The following SIPA1L2 variants were observed in gnomAD, a reference collection of about 807,000 sequenced individuals.
SIPA1L2 encodes the protein signal-induced proliferation-associated 1-like protein 2.
Under a neutral mutation model 163.9 loss-of-function variants are expected in SIPA1L2, and 56 were observed. That is an observed-to-expected ratio of 0.34 (90% CI 0.28 to 0.43). The LOEUF is 0.43. Ranked by LOEUF, SIPA1L2 falls within the 20% of genes least tolerant of loss-of-function variation. SIPA1L2 has a pLI of 1.00. For missense variants in SIPA1L2, 1,974 were observed against 2,193.5 expected (o/e 0.90, Z 2.00); for synonymous variants, 877 against 865.7 (o/e 1.01, Z -0.23).
intron 10 of SIPA1L2, among the ~76,000 whole-genome samples, chr1:232,453,520 C>A (rs573190166): frequency 6.6e-6 from 1 of 152,198 alleles, no homozygotes; most frequent in African/African-American, 2.4e-5. Flanking sequence ...TACTGCAATG[C>A]TATTCTTTAA....
chr1:232,526,682 G>A (rs1345073633), intron 2 of SIPA1L2, among the ~76,000 whole-genome samples: 1 of 152,182 alleles, frequency 6.6e-6, no homozygotes, highest in East Asian at 1.9e-4. Context: ...CCGTAGGCCT[G>A]TGACACATGC....
chr1:232,501,930 T>G (rs1232321042), intron 3 of SIPA1L2, among the ~76,000 whole-genome samples: 1 of 127,670 alleles, frequency 7.8e-6, no homozygotes, highest in Admixed American at 8.6e-5. Context: ...TTCGGCTGCT[T>G]CTCCCTGGAG....
rs1664456843 is a variant in SIPA1L2, at chr1:232,465,468, T to C, written c.2244-52A>G. ...TGAGATGAGCTATGATACCATAATA[T>C]GTATCTTTCCGAATTTGACATATAT... On this transcript the variant is annotated intron_variant, in intron 8 of 22. Transcript: ENST00000674635. This position sits in a 1 kb window ranked among gnomAD's most constrained non-coding sequence, Gnocchi z 4.1. 2 of 1,489,552 alleles carry C rather than the reference T, an allele frequency of 1.3e-6. No individual in the cohort carries two copies. The highest frequency in any genetic ancestry group is 1.8e-6 in the Non-Finnish European group (2 of 1,097,048). The allele number at this position is 1,489,552 out of a possible 1,614,324, so 92.3% of individuals were successfully genotyped here.
rs149920459 is a variant in SIPA1L2, at chr1:232,490,474, G to T, written c.1806+400C>A. Among the ~76,000 whole-genome samples the T allele has an allele frequency of 1.1e-3, 169 of 152,172 alleles. 1 individual carries two copies. Among genetic ancestry groups the T allele is most frequent in the African/African-American group, 3.6e-3 (150 of 41,510 alleles). On this transcript the variant is annotated intron_variant, in intron 5 of 22. Coordinates refer to ENST00000674635, the MANE Select transcript of SIPA1L2 (RefSeq NM_020808.5). ...CTTAGTCAGCTTCAATCTTCCTAAC[G>T]CTTGCTGTTCACACCCATCTGTCAG...
intron 1 of SIPA1L2, among the ~76,000 whole-genome samples, chr1:232,582,691 C>T (rs1301330469): frequency 5.3e-5 from 8 of 152,088 alleles, no homozygotes; most frequent in African/African-American, 1.7e-4. Context: ...ATTGCTGGGT[C>T]GAATGGTAGT....
chr1:232,509,912 G>A (rs1187489791), intron 3 of SIPA1L2, among the ~76,000 whole-genome samples: 1 of 152,140 alleles, frequency 6.6e-6, no homozygotes, highest in African/African-American at 2.4e-5. Context: ...CCTGGTGGCC[G>A]CTCCTTCCCC....
chr1:232,623,629 CA>C (rs1437370156), intron 1 of SIPA1L2, among the ~76,000 whole-genome samples: 2 of 151,632 alleles, frequency 1.3e-5, no homozygotes, highest in East Asian at 3.9e-4. Flanking sequence ...CAAAACAAAA[CA>C]AAAAAACAGC....
intron 1 of SIPA1L2, among the ~76,000 whole-genome samples, chr1:232,621,004 A>T (rs1662779950): frequency 6.6e-6 from 1 of 152,262 alleles, no homozygotes; most frequent in Non-Finnish European, 1.5e-5. Context: ...TGGCTTAAAC[A>T]AAGATTATGC....
At chr1:232,510,511 C>T (rs1490683441) in intron 3 of SIPA1L2, among the ~76,000 whole-genome samples, 1 of 152,096 alleles carries the variant, frequency 6.6e-6, no homozygotes, top group Non-Finnish European at 1.5e-5. Flanking sequence ...TCAGATTCTT[C>T]TTTGGAGCTT....
rs779308176 is a variant in SIPA1L2, at chr1:232,514,594, T to G, written c.746A>C (p.Gln249Pro). ...GCGGACAAATTCTCCCCTAGAAATC[T>G]GTGCTGCTGCATGAAGGCTCGGAGA... ...AISPSLHAAAQISRGEFVRIS... is the reference protein window; with the variant it reads ...AISPSLHAAAPISRGEFVRIS... The change falls in exon 3 of 23, where the codon CAG becomes CCG. Residue 249 changes from glutamine to proline, a missense_variant. Physicochemically the swap from Gln to Pro is moderately conservative, Grantham distance 76 (BLOSUM62 -1). Transcript: ENST00000674635. The G allele has an allele frequency of 8.1e-6, 13 of 1,614,104 alleles. No individual in the cohort carries two copies. The African/African-American group carries it at 1.5e-4, about 18-fold the overall frequency.
At chr1:232,451,908 G>A (rs1173592945) in intron 10 of SIPA1L2, among the ~76,000 whole-genome samples, 1 of 139,146 alleles carries the variant, frequency 7.2e-6, no homozygotes, top group African/African-American at 2.6e-5. Flanking sequence ...CACATTTCTT[G>A]TCTAGCCAAT....
intron 2 of SIPA1L2, among the ~76,000 whole-genome samples, chr1:232,540,736 A>AGG (rs1657607066): frequency 6.6e-6 from 1 of 152,168 alleles, no homozygotes; most frequent in Non-Finnish European, 1.5e-5. Context: ...AGAGAGAGAG[A>AGG]GAAAGGAAAG....
chr1:232,564,160 GTGTGTGT>G (rs1659238594), intron 2 of SIPA1L2, among the ~76,000 whole-genome samples: 1 of 35,562 alleles, frequency 2.8e-5, no homozygotes, highest in Non-Finnish European at 5.6e-5. Flanking sequence ...GTGTGTGTGT[GTGTGTGT>G]GTGTGTGTGT....
intron 2 of SIPA1L2, among the ~76,000 whole-genome samples, chr1:232,540,751 C>A (rs1203572695): frequency 6.6e-6 from 1 of 151,888 alleles, no homozygotes; most frequent in Non-Finnish European, 1.5e-5. Context: ...GGAAAGAATA[C>A]GGATCTAGTT....
intron 7 of SIPA1L2, among the ~76,000 whole-genome samples, chr1:232,475,221 C>T (rs1326204613): frequency 6.6e-6 from 1 of 152,198 alleles, no homozygotes; most frequent in Admixed American, 6.5e-5. Flanking sequence ...GACCTCATCA[C>T]CTGCTCCTTA....
At chr1:232,473,277 G>A (rs887370632) in intron 7 of SIPA1L2, among the ~76,000 whole-genome samples, 3 of 152,348 alleles carry the variant, frequency 2.0e-5, no homozygotes, top group African/African-American at 7.2e-5. Context: ...TGTGTTCAAT[G>A]TATCTGTAGA....
At chr1:232,616,672 C>G (rs1384148371) in intron 1 of SIPA1L2, among the ~76,000 whole-genome samples, 1 of 152,208 alleles carries the variant, frequency 6.6e-6, no homozygotes, top group African/African-American at 2.4e-5. Context: ...ACTGCCAGAG[C>G]ATTTTGTAGT....
At chr1:232,522,753 T>C (rs1667514134) in intron 2 of SIPA1L2, among the ~76,000 whole-genome samples, 1 of 152,198 alleles carries the variant, frequency 6.6e-6, no homozygotes, top group African/African-American at 2.4e-5. Flanking sequence ...AAAGATTCAA[T>C]GGGATCTAAA....
At chr1:232,480,941 C>T (rs1665319425) in intron 6 of SIPA1L2, among the ~76,000 whole-genome samples, 1 of 152,038 alleles carries the variant, frequency 6.6e-6, no homozygotes. Context: ...CAGAAACAGA[C>T]CTGAAAACTC....
Sources: allele counts gnomAD v4.1 joint callset (sites outside exome capture counted in the v4.1 genomes callset), GRCh38; gene constraint gnomAD v4.1.1; non-coding constraint Gnocchi (gnomAD v3.1); transcripts MANE v1.5; gene names NCBI Gene and HGNC (gene_info 2026-07-23, HGNC 2026-07-21).